PRKG1: variants seen among roughly 807,000 people sequenced by gnomAD.
PRKG1 encodes the protein protein kinase cGMP-dependent 1, also known as cGMP-dependent protein kinase 1.
In PRKG1, 35 loss-of-function variants were observed where a neutral mutation model predicts 88.1. The ratio of observed to expected loss-of-function variants is 0.40; its 90% CI spans 0.30 to 0.53. The LOEUF is 0.53. Among genes scored for constraint, PRKG1 ranks in the 20% least tolerant of loss-of-function variants. The pLI is 0.59. For synonymous variants in PRKG1, 303 were observed against 292.5 expected (o/e 1.04, Z -0.37); for missense variants, 540 against 839.8 (o/e 0.64, Z 4.41).
chr10:51,394,001 C>T (rs573244207), intron 2 of PRKG1, among the ~76,000 whole-genome samples: 22 of 152,160 alleles, frequency 1.4e-4, no homozygotes, highest in Admixed American at 2.6e-4. Flanking sequence ...GGAGTAGCTT[C>T]CACTTCTCTT....
At chr10:51,603,959 G>A (rs1020880001) in intron 3 of PRKG1, among the ~76,000 whole-genome samples, 4 of 152,094 alleles carry the variant, frequency 2.6e-5, no homozygotes, top group Non-Finnish European at 5.9e-5. Context: ...CACTCCATCC[G>A]GAATCCCAAG....
intron 3 of PRKG1, among the ~76,000 whole-genome samples, chr10:51,669,908 T>A (rs1840515648): frequency 6.6e-6 from 1 of 152,172 alleles, no homozygotes; most frequent in African/African-American, 2.4e-5. Flanking sequence ...TTATGCTAAG[T>A]TTTTATATCT....
intron 7 of PRKG1, among the ~76,000 whole-genome samples, chr10:52,074,173 T>C (rs1238470193): frequency 2.0e-5 from 3 of 152,214 alleles, no homozygotes; most frequent in Non-Finnish European, 4.4e-5. Flanking sequence ...CTAATGTTAA[T>C]AAAATACATT....
intron 1 of PRKG1, among the ~76,000 whole-genome samples, chr10:51,125,833 T>G (rs1845383293): frequency 7.0e-6 from 1 of 142,068 alleles, no homozygotes; most frequent in Non-Finnish European, 1.5e-5. Context: ...AATATGTAAT[T>G]TATATAATTT....
rs116183999 is a variant in PRKG1, at chr10:52,107,686, A to G, written c.936-26154A>G. ...AGCAACAGCTTAACTAACAGATGAC[A>G]ATGTTTTCACAAATTCTTATTATTT... On this transcript the variant is annotated intron_variant, in intron 7 of 17. Coordinates refer to ENST00000373980, the MANE Select transcript of PRKG1 (RefSeq NM_006258.4). Among the ~76,000 whole-genome samples, 1,428 of 152,328 alleles carry G rather than the reference A, an allele frequency of 9.4e-3. 26 individuals are homozygous for G. The highest frequency in any genetic ancestry group is 0.032 in the African/African-American group (1,320 of 41,572).
intron 10 of PRKG1, among the ~76,000 whole-genome samples, chr10:52,263,103 C>T (rs1841473421): frequency 6.6e-6 from 1 of 151,824 alleles, no homozygotes; most frequent in African/African-American, 2.4e-5. Context: ...ATTCATGATC[C>T]TAATTTTTTA....
intron 11 of PRKG1, 69 bp from the exon 12 acceptor site, chr10:52,272,323 C>T (rs1841748608): frequency 1.6e-6 from 2 of 1,216,630 alleles, no homozygotes; most frequent in East Asian, 2.5e-5. Context: ...AATCTGGGCC[C>T]CCCAAAATTG....
intron 9 of PRKG1, among the ~76,000 whole-genome samples, chr10:52,249,326 C>T (rs1184680187): frequency 6.6e-6 from 1 of 151,482 alleles, no homozygotes; most frequent in East Asian, 2.0e-4. Flanking sequence ...ATGGAACTTC[C>T]TGAGGCTTTC....
At chr10:51,254,583 G>A (rs1423073111) in intron 2 of PRKG1, among the ~76,000 whole-genome samples, 1 of 151,956 alleles carries the variant, frequency 6.6e-6, no homozygotes, top group African/African-American at 2.4e-5. Flanking sequence ...GCTATGGAAT[G>A]CAAAATTAAT....
chr10:51,539,000 A>G (rs1196387659), intron 3 of PRKG1, among the ~76,000 whole-genome samples: 4 of 152,112 alleles, frequency 2.6e-5, no homozygotes, highest in African/African-American at 7.2e-5. Context: ...AAGCAAAGGT[A>G]CTTTTATTTC....
intron 8 of PRKG1, among the ~76,000 whole-genome samples, chr10:52,134,132 C>G (rs775903639): frequency 2.0e-5 from 3 of 152,116 alleles, no homozygotes; most frequent in Admixed American, 1.3e-4. Context: ...AGCTTCGGCT[C>G]AGCTCATTTG....
Position 51,165,049 on chromosome 10 carries a change from G to A in PRKG1, c.478+11719G>A, listed in dbSNP as rs535022640. ...TTCAGATTCAGGAAATACAGAGAACGCCACAAAGATACTCCTCGAGAAGAG... is the reference window on the plus strand; with the variant it reads ...TTCAGATTCAGGAAATACAGAGAACACCACAAAGATACTCCTCGAGAAGAG... On this transcript the variant is annotated intron_variant, in intron 2 of 17. Coordinates refer to ENST00000373980, the MANE Select transcript of PRKG1 (RefSeq NM_006258.4). Among the ~76,000 whole-genome samples the A allele has an allele frequency of 5.3e-5, 8 of 151,968 alleles. No individual in the cohort carries two copies. The South Asian group carries it at 8.3e-4, about 16-fold the overall frequency.
At chr10:51,088,253 C>A (rs975057575) in intron 1 of PRKG1, among the ~76,000 whole-genome samples, 5 of 152,086 alleles carry the variant, frequency 3.3e-5, no homozygotes, top group Admixed American at 6.6e-5. Context: ...CCTCAATTTT[C>A]CAATGGTTTA....
At chr10:51,750,366 A>G (rs902781308) in intron 3 of PRKG1, among the ~76,000 whole-genome samples, 1 of 152,226 alleles carries the variant, frequency 6.6e-6, no homozygotes, top group Non-Finnish European at 1.5e-5. Flanking sequence ...AATCACTAAC[A>G]GACATAACAG....
chr10:52,239,762 T>G (rs1840810058), intron 9 of PRKG1, among the ~76,000 whole-genome samples: 1 of 152,106 alleles, frequency 6.6e-6, no homozygotes, highest in South Asian at 2.1e-4. Flanking sequence ...GATTGTGGTT[T>G]TTTTCCCAAA....
intron 3 of PRKG1, among the ~76,000 whole-genome samples, chr10:51,543,777 T>C (rs1049876071): frequency 6.6e-6 from 1 of 152,112 alleles, no homozygotes; most frequent in African/African-American, 2.4e-5. Context: ...AAAGCAAAAA[T>C]GTGAACAAAG....
chr10:51,961,269 A>G (rs1843440889), intron 5 of PRKG1, among the ~76,000 whole-genome samples: 1 of 152,164 alleles, frequency 6.6e-6, no homozygotes. Context: ...GCTGAACCAC[A>G]GATATGAAAA....
rs544853880 is a variant in PRKG1 at position 51,796,677 on chromosome 10, A to G, written c.593-7908A>G. Among the ~76,000 whole-genome samples, 73 of 152,256 alleles carry G rather than the reference A, an allele frequency of 4.8e-4. 1 individual carries two copies. The highest frequency in any genetic ancestry group is 2.3e-3 in the Admixed American group (35 of 15,264). ...GGGATACCCAGATAGCTGATAAAAC[A>G]TAATTTCTGGGTGTATCTATCAGAG... On this transcript the variant is annotated intron_variant, in intron 3 of 17. Transcript: ENST00000373980.
Position 51,281,131 on chromosome 10 carries a change from C to T in PRKG1, c.478+127801C>T, listed in dbSNP as rs141782350. 6.7e-3 allele frequency among the ~76,000 whole-genome samples: 1,021 copies of T among 152,292 alleles called. 8 individuals carry two copies. Among genetic ancestry groups the T allele is most frequent in the African/African-American group, 0.022 (927 of 41,546 alleles). On this transcript the variant is annotated intron_variant, in intron 2 of 17. Coordinates refer to ENST00000373980, the MANE Select transcript of PRKG1 (RefSeq NM_006258.4). Reference sequence around the variant, plus strand: ...GTTGGAGTTTGCTGGACGTCCACTCCGACCCTGTTTGCCTGGGTATCAGCA... The same window carrying T: ...GTTGGAGTTTGCTGGACGTCCACTCTGACCCTGTTTGCCTGGGTATCAGCA...
Sources: allele counts gnomAD v4.1 joint callset (sites outside exome capture counted in the v4.1 genomes callset), GRCh38; gene constraint gnomAD v4.1.1; transcripts MANE v1.5; gene names NCBI Gene and HGNC (gene_info 2026-07-23, HGNC 2026-07-21).